The following SMYD3 variants were observed in gnomAD, a reference collection of about 807,000 sequenced individuals.
SMYD3 encodes SET and MYND domain containing 3.
Under a neutral mutation model 57.7 loss-of-function variants are expected in SMYD3, and 36 were observed. The observed-to-expected ratio is 0.62, with a 90% CI of 0.48 to 0.82. The LOEUF is 0.82. Among genes scored for constraint, SMYD3 ranks in the 40% least tolerant of loss-of-function variants. The pLI, the probability that SMYD3 is intolerant of heterozygous loss-of-function variation, is 0.00. For synonymous variants in SMYD3, 211 were observed against 195.0 expected (o/e 1.08, Z -0.68); for missense variants, 515 against 538.8 (o/e 0.96, Z 0.44).
intron 10 of SMYD3, among the ~76,000 whole-genome samples, chr1:245,798,468 ACACATACACAACACAC>A (rs2047688525): frequency 3.8e-5 from 1 of 26,136 alleles, no homozygotes; most frequent in Admixed American, 3.8e-4. Context: ...ACACATACAC[ACACATACACAACACAC>A]CACACACACA....
At chr1:246,436,029 A>G (rs1196189086) in intron 1 of SMYD3, among the ~76,000 whole-genome samples, 1 of 152,176 alleles carries the variant, frequency 6.6e-6, no homozygotes, top group East Asian at 1.9e-4. Context: ...TAATGAAAAC[A>G]TGGGTTGGAA....
chr1:245,942,512 C>T (rs987517341), intron 5 of SMYD3, among the ~76,000 whole-genome samples: 4 of 152,200 alleles, frequency 2.6e-5, no homozygotes, highest in African/African-American at 9.7e-5. Context: ...GAGACTTAGA[C>T]TCCCACACAA....
At chr1:246,378,776 TTAATA>T (rs1462541376) in intron 1 of SMYD3, among the ~76,000 whole-genome samples, 1 of 72,026 alleles carries the variant, frequency 1.4e-5, no homozygotes, top group Non-Finnish European at 2.7e-5. Context: ...TATATATAAT[TTAATA>T]TATTTAATAT....
At chr1:246,190,394 G>A (rs1195238792) in intron 5 of SMYD3, among the ~76,000 whole-genome samples, 1 of 152,032 alleles carries the variant, frequency 6.6e-6, no homozygotes, top group African/African-American at 2.4e-5. Flanking sequence ...AGACCAGTCT[G>A]GCCAATATGG....
At chr1:246,173,145 T>C (rs1028915462) in intron 5 of SMYD3, among the ~76,000 whole-genome samples, 1 of 151,394 alleles carries the variant, frequency 6.6e-6, no homozygotes, top group Non-Finnish European at 1.5e-5. Context: ...GAACACTCAC[T>C]GTTCTCTACT....
At chr1:246,493,478 A>G (rs947538723) in intron 1 of SMYD3, among the ~76,000 whole-genome samples, 1 of 152,214 alleles carries the variant, frequency 6.6e-6, no homozygotes, top group Non-Finnish European at 1.5e-5. Context: ...TTACCCAGGC[A>G]GTAAAAACTA....
chr1:246,304,383 G>C (rs1021760760), intron 5 of SMYD3, among the ~76,000 whole-genome samples: 14 of 151,988 alleles, frequency 9.2e-5, no homozygotes, highest in Non-Finnish European at 1.5e-5. Context: ...CTAGTTCAAA[G>C]CACATTGTAA....
chr1:246,313,737 CAAAT>C (rs1159291654), intron 5 of SMYD3, among the ~76,000 whole-genome samples: 1 of 151,882 alleles, frequency 6.6e-6, no homozygotes, highest in Non-Finnish European at 1.5e-5. Context: ...ATGTTAAGGT[CAAAT>C]AAATATCACT....
intron 5 of SMYD3, among the ~76,000 whole-genome samples, chr1:246,237,006 C>T (rs957968274): frequency 6.6e-5 from 10 of 152,132 alleles, no homozygotes; most frequent in African/African-American, 2.4e-4. Flanking sequence ...TTAGCTGCTA[C>T]CACTTGATGA....
chr1:246,285,226 A>G (rs1476651525), intron 5 of SMYD3, among the ~76,000 whole-genome samples: 1 of 152,156 alleles, frequency 6.6e-6, no homozygotes, highest in Non-Finnish European at 1.5e-5. Flanking sequence ...TTGGTTTTCC[A>G]TTCCTCAGTT....
At chr1:245,825,081 C>T (rs2049407914) in intron 10 of SMYD3, among the ~76,000 whole-genome samples, 1 of 152,108 alleles carries the variant, frequency 6.6e-6, no homozygotes, top group Non-Finnish European at 1.5e-5. Flanking sequence ...GCCAAGAGCT[C>T]AGCAGGAATG....
At chr1:246,284,924 C>A (rs2064529242) in intron 5 of SMYD3, among the ~76,000 whole-genome samples, 1 of 150,646 alleles carries the variant, frequency 6.6e-6, no homozygotes, top group Non-Finnish European at 1.5e-5. Flanking sequence ...ATTTTAAAAA[C>A]TCATGTTTAC....
chr1:246,077,559 CT>C (rs981866586), intron 5 of SMYD3, among the ~76,000 whole-genome samples: 6 of 149,144 alleles, frequency 4.0e-5, no homozygotes, highest in Non-Finnish European at 7.4e-5. Flanking sequence ...GAAGAGGAAT[CT>C]TTTTTTTTTC....
At chr1:246,295,373 CAA>C (rs1489703164) in intron 5 of SMYD3, among the ~76,000 whole-genome samples, 1 of 152,156 alleles carries the variant, frequency 6.6e-6, no homozygotes, top group African/African-American at 2.4e-5. Context: ...GATGAGCAAA[CAA>C]AGTGTTTGTT....
chr1:245,777,656 G>A (rs548637540), intron 10 of SMYD3, among the ~76,000 whole-genome samples: 1 of 152,300 alleles, frequency 6.6e-6, no homozygotes, highest in South Asian at 2.1e-4. Context: ...CAAGTGACCA[G>A]CAGAGTGGAA....
chr1:246,358,826 G>C (rs1255376711), intron 1 of SMYD3, among the ~76,000 whole-genome samples: 1 of 152,200 alleles, frequency 6.6e-6, no homozygotes, highest in African/African-American at 2.4e-5. Context: ...GTGCTAAGCA[G>C]AAAGTTCGGA....
chr1:245,985,433 C>T (rs1380212823), intron 5 of SMYD3, among the ~76,000 whole-genome samples: 2 of 152,076 alleles, frequency 1.3e-5, no homozygotes, highest in African/African-American at 2.4e-5. Flanking sequence ...TTCCTGTTCC[C>T]CTTCCTTTAT....
intron 10 of SMYD3, among the ~76,000 whole-genome samples, chr1:245,784,604 G>A (rs1314397497): frequency 6.6e-6 from 1 of 152,096 alleles, no homozygotes; most frequent in South Asian, 2.1e-4. Context: ...CTATCAACAA[G>A]AGTACTTAAG....
chr1:245,920,275 T>C (rs1481838324), intron 7 of SMYD3, among the ~76,000 whole-genome samples: 8 of 134,804 alleles, frequency 5.9e-5, no homozygotes, highest in Admixed American at 1.7e-4. Flanking sequence ...ATCATGCCAC[T>C]GCACTCCAGC....
Sources: gnomAD v4.1 joint callset for allele counts (sites outside exome capture counted in the v4.1 genomes callset) on GRCh38, gnomAD v4.1.1 for gene constraint, MANE v1.5 for transcripts, NCBI Gene and HGNC (gene_info 2026-07-23, HGNC 2026-07-21) for gene names.